ZNF791: variants seen among roughly 807,000 people sequenced by gnomAD.
The protein encoded by ZNF791 is zinc finger protein 791.
A neutral mutation model predicts 11.5 loss-of-function variants in ZNF791; 4 were observed. The observed-to-expected ratio is 0.35, with a 90% CI of 0.17 to 0.80. ZNF791 has a LOEUF of 0.80. ZNF791 is among the 30% of genes least tolerant of loss of function. ZNF791 has a pLI of 0.53. For missense variants in ZNF791, 559 were observed against 699.4 expected, an observed-to-expected ratio of 0.80 and a Z score of 2.26; for synonymous variants, 212 against 228.1, an observed-to-expected ratio of 0.93 and a Z score of 0.64.
chr19:12,627,001 C>T (rs750485657), intron 3 of ZNF791, among the ~76,000 whole-genome samples: 3 of 151,966 alleles, frequency 2.0e-5, no homozygotes, highest in Non-Finnish European at 2.9e-5. Context: ...GGCAACAAGA[C>T]GAGACCCTGT....
intron 3 of ZNF791, among the ~76,000 whole-genome samples, chr19:12,625,989 C>T (rs1481969459): frequency 6.6e-6 from 1 of 151,314 alleles, no homozygotes; most frequent in Non-Finnish European, 1.5e-5. Flanking sequence ...GGATTATAAG[C>T]GCGCACTACT....
At chr19:12,621,835 A>AG (rs2023353911) in intron 1 of ZNF791, among the ~76,000 whole-genome samples, 3 of 124,334 alleles carry the variant, frequency 2.4e-5, no homozygotes, top group South Asian at 2.4e-4. Flanking sequence ...CTGCCCGGCC[A>AG]CCACCCCGTC....
intron 2 of ZNF791, among the ~76,000 whole-genome samples, chr19:12,624,319 AT>A (rs1031425931): frequency 2.6e-5 from 4 of 150,956 alleles, no homozygotes; most frequent in African/African-American, 9.8e-5. Context: ...TGCCCGGCTA[AT>A]TTTTGTATTT....
chr19:12,614,923 T>TTTTTTTTTTTTTTC (rs2023221664), intron 1 of ZNF791, among the ~76,000 whole-genome samples: 1 of 134,330 alleles, frequency 7.4e-6, no homozygotes, highest in Non-Finnish European at 1.6e-5. Flanking sequence ...TTTTTTTTTT[T>TTTTTTTTTTTTTTC]TTTTGATACA....
chr19:12,615,546 C>T lies in ZNF791; in HGVS notation c.3+4464C>T, dbSNP rs112240807. On this transcript the variant is annotated intron_variant, in intron 1 of 3. Coordinates refer to ENST00000343325, the MANE Select transcript of ZNF791 (RefSeq NM_153358.3). ...CTGTAATCCCAGCTCTTTGGGAGGC[C>T]GAGGCGGGCGGATCACAAGGTCAGG... Among the ~76,000 whole-genome samples the T allele has an allele frequency of 9.0e-3, 1,367 of 152,010 alleles. 19 individuals are homozygous for T. Among genetic ancestry groups the T allele is most frequent in the African/African-American group, 0.027 (1,139 of 41,456 alleles).
chr19:12,617,760 CTTTTTTTTTT>C (rs1019193795), intron 1 of ZNF791, among the ~76,000 whole-genome samples: 797 of 51,806 alleles, frequency 0.015, 13 homozygotes, highest in Non-Finnish European at 0.021. Flanking sequence ...TGCTGGAACT[CTTTTTTTTTT>C]TTTTTTTTTT....
At chr19:12,611,927 G>T (rs1255780052) in intron 1 of ZNF791, among the ~76,000 whole-genome samples, 1 of 152,114 alleles carries the variant, frequency 6.6e-6, no homozygotes, top group Non-Finnish European at 1.5e-5. Flanking sequence ...TAAAATATAT[G>T]TTATCAGAAG....
chr19:12,624,277 C>T (rs1402194403), intron 2 of ZNF791, among the ~76,000 whole-genome samples: 1 of 151,290 alleles, frequency 6.6e-6, no homozygotes, highest in Admixed American at 6.6e-5. Flanking sequence ...CTCAGCCTCC[C>T]GAGTAGCTGG....
chr19:12,628,881 T>C lies in ZNF791; in HGVS notation c.1352T>C (p.Phe451Ser). 1 of 1,612,370 alleles carries C rather than the reference T, an allele frequency of 6.2e-7. No individual in the cohort carries two copies. The highest frequency in any genetic ancestry group is 1.7e-4 in the Middle Eastern group (1 of 6,050). The change falls in exon 4 of 4, where the codon TTT (phenylalanine) becomes TCT (serine). Residue 451 changes from phenylalanine (F) to serine (S), a missense_variant. Transcript: ENST00000343325. Reference sequence around the variant, plus strand: ...AGGGACTGTGGGAAGGTGTTCATTTTTCCTAGTGCGTTACGAACACATGAA... The same window carrying C: ...AGGGACTGTGGGAAGGTGTTCATTTCTCCTAGTGCGTTACGAACACATGAA... ...KCRDCGKVFI[F>S]PSALRTHERT...
At chr19:12,623,848 C>CTT (rs753518795) in intron 2 of ZNF791, 22 bp downstream of exon 2, 29 of 798,896 alleles carry the variant, frequency 3.6e-5, no homozygotes, top group South Asian at 8.0e-5. Context: ...ATCATTTTTT[C>CTT]TTTTTTCTTT....
rs2023499007 is a variant in ZNF791 at position 12,631,321 on chromosome 19, T to C, written c.*2061T>C. On this transcript the variant is annotated 3_prime_UTR_variant, in exon 4 of 4. Coordinates refer to ENST00000343325, the MANE Select transcript of ZNF791 (RefSeq NM_153358.3). Reference sequence around the variant, plus strand: ...GTGTAAGTTCACTTTGTGATGTTTGTACCATGAGGAAATCACCTACAACAC... The same window carrying C: ...GTGTAAGTTCACTTTGTGATGTTTGCACCATGAGGAAATCACCTACAACAC... 1 of 152,204 alleles carries C rather than the reference T, an allele frequency of 6.6e-6. No homozygotes were observed. Among genetic ancestry groups the C allele is most frequent in the Non-Finnish European group, 1.5e-5 (1 of 68,034 alleles). 9.4% of individuals were successfully genotyped at this position (152,204 alleles called of 1,614,324 possible). A position where few individuals can be genotyped will look rare whatever the true frequency, so the allele number is the denominator to read the frequency against.
chr19:12,624,556 C>A, intron 2 of ZNF791, 94 bp from the exon 3 acceptor site: 1 of 918,414 alleles, frequency 1.1e-6, no homozygotes, highest in Non-Finnish European at 1.6e-6. Flanking sequence ...GTAAATAAAC[C>A]AGGCATGGTT....
intron 1 of ZNF791, among the ~76,000 whole-genome samples, chr19:12,619,421 G>T (rs541239392): frequency 6.7e-6 from 1 of 148,584 alleles, no homozygotes; most frequent in Non-Finnish European, 1.5e-5. Flanking sequence ...ATTGTTCTCT[G>T]TAGTCATCAA....
chr19:12,628,645 A>C lies in ZNF791; in HGVS notation c.1116A>C (p.Arg372=). Residue 372 remains arginine (R), a synonymous_variant, in exon 4 of 4, where the codon CGA becomes CGC. Coordinates refer to ENST00000343325, the MANE Select transcript of ZNF791 (RefSeq NM_153358.3). Reference sequence around the variant, plus strand: ...CCTTTAGTAGAATCAGTTACTTTCGAATACATGAAAGGACTCACACTGGAG... The same window carrying C: ...CCTTTAGTAGAATCAGTTACTTTCGCATACATGAAAGGACTCACACTGGAG... The part of the protein sequence containing the change: ...GKAFSRISYF[R]IHERTHTGEK... The C allele has an allele frequency of 6.2e-7, 1 of 1,605,730 alleles. No individual in the cohort carries two copies. The highest frequency in any genetic ancestry group is 8.5e-7 in the Non-Finnish European group (1 of 1,176,648).
At chr19:12,612,220 T>TTA in intron 1 of ZNF791, 2 of 689,122 alleles carry the variant, frequency 2.9e-6, no homozygotes, top group Non-Finnish European at 3.6e-6. Flanking sequence ...TTTTTTTTTT[T>TTA]AACAGATGGG....
intron 1 of ZNF791, among the ~76,000 whole-genome samples, chr19:12,614,374 C>T (rs2023207331): frequency 6.6e-6 from 1 of 151,694 alleles, no homozygotes; most frequent in Non-Finnish European, 1.5e-5. Context: ...GCTAGGATTA[C>T]AGGTGTGTGC....
chr19:12,622,731 A>G (rs1034249185), intron 1 of ZNF791, among the ~76,000 whole-genome samples: 4 of 152,016 alleles, frequency 2.6e-5, no homozygotes, highest in Non-Finnish European at 4.4e-5. Context: ...CATCTCTACT[A>G]AAAATACAAA....
chr19:12,624,774 G>T, intron 3 of ZNF791, 64 bp downstream of exon 3: 1 of 1,330,272 alleles, frequency 7.5e-7, no homozygotes, highest in African/African-American at 1.5e-5. Context: ...TTATGGCCGG[G>T]CACGGTGGCT....
chr19:12,611,879 A>G (rs538709181), intron 1 of ZNF791, among the ~76,000 whole-genome samples: 16 of 152,288 alleles, frequency 1.1e-4, no homozygotes, highest in African/African-American at 3.4e-4. Context: ...TGACCTTGAA[A>G]AGATTTATTC....
Sources: allele counts gnomAD v4.1 joint callset (sites outside exome capture counted in the v4.1 genomes callset), GRCh38; gene constraint gnomAD v4.1.1; transcripts MANE v1.5; gene names NCBI Gene and HGNC (gene_info 2026-07-23, HGNC 2026-07-21).